Variants in TPD52 observed in about 807,000 individuals in gnomAD.
TPD52 encodes the protein prostate and colon associated protein.
TPD52 carries 17 observed loss-of-function variants against 31.3 expected under a neutral mutation model. The observed-to-expected ratio is 0.54, with a 90% CI of 0.37 to 0.82. TPD52 has a LOEUF of 0.82. Ranked by LOEUF, TPD52 falls within the 40% of genes least tolerant of loss-of-function variation. The pLI is 0.00. For synonymous variants in TPD52, 83 were observed against 89.6 expected (o/e 0.93, Z 0.42); for missense variants, 212 against 240.1 (o/e 0.88, Z 0.77).
intron 4 of TPD52, among the ~76,000 whole-genome samples, chr8:80,050,857 G>T (rs571660354): frequency 8.6e-5 from 13 of 151,956 alleles, no homozygotes; most frequent in Non-Finnish European, 1.6e-4. Context: ...CACAAATCTT[G>T]CATGCCAACA....
chr8:80,171,014 T>C, intron 1 of TPD52: 3 of 436,034 alleles, frequency 6.9e-6, no homozygotes, highest in Admixed American at 3.5e-5. Flanking sequence ...AGAGAGGGGT[T>C]TCCCACCTGG....
intron 1 of TPD52, among the ~76,000 whole-genome samples, chr8:80,164,441 T>C (rs1389050245): frequency 1.3e-5 from 2 of 152,152 alleles, no homozygotes; most frequent in Non-Finnish European, 2.9e-5. Flanking sequence ...GTGGAGGTGT[T>C]AAGATTTATA....
At chr8:80,108,960 A>G (rs968188697) in intron 1 of TPD52, among the ~76,000 whole-genome samples, 11 of 152,226 alleles carry the variant, frequency 7.2e-5, no homozygotes, top group African/African-American at 2.4e-4. Context: ...TTATGGCAAT[A>G]TAACTATTTG....
At chr8:80,126,542 T>C (rs7840673) in intron 1 of TPD52, among the ~76,000 whole-genome samples, 42 of 147,294 alleles carry the variant, frequency 2.9e-4, no homozygotes, top group African/African-American at 1.0e-3. Flanking sequence ...AGGGCAGTGG[T>C]GCAATTTCGG....
intron 1 of TPD52, among the ~76,000 whole-genome samples, chr8:80,072,317 A>ATGTGTGTGTG (rs146024001): frequency 0.066 from 8,054 of 121,322 alleles, 851 homozygotes; most frequent in East Asian, 0.099. Flanking sequence ...AAAAACATAT[A>ATGTGTGTGTG]TGTGTGTGTG....
chr8:80,074,294 G>A (rs1010118772), intron 1 of TPD52, among the ~76,000 whole-genome samples: 2 of 152,184 alleles, frequency 1.3e-5, no homozygotes, highest in Non-Finnish European at 2.9e-5. Context: ...ATAATTCAAA[G>A]TATCTTTAGT....
chr8:80,083,063 A>G (rs930657271), intron 1 of TPD52, among the ~76,000 whole-genome samples: 3 of 152,204 alleles, frequency 2.0e-5, no homozygotes, highest in Non-Finnish European at 4.4e-5. Flanking sequence ...GGTTAATGGA[A>G]TGGCAAAAAT....
intron 1 of TPD52, among the ~76,000 whole-genome samples, chr8:80,143,710 A>C (rs1413786936): frequency 3.3e-5 from 5 of 152,224 alleles, no homozygotes; most frequent in Non-Finnish European, 7.3e-5. Context: ...TCTAGAACTT[A>C]GTATCACATA....
intron 1 of TPD52, among the ~76,000 whole-genome samples, chr8:80,105,053 T>C (rs1232773057): frequency 1.3e-5 from 2 of 152,098 alleles, no homozygotes; most frequent in Non-Finnish European, 2.9e-5. Context: ...AGTAAGATAC[T>C]GTCTCAAAAA....
intron 1 of TPD52, among the ~76,000 whole-genome samples, chr8:80,067,602 A>G (rs1357690981): frequency 6.6e-6 from 1 of 152,150 alleles, no homozygotes; most frequent in African/African-American, 2.4e-5. Flanking sequence ...ACAGACATTA[A>G]GCAACTTGCC....
chr8:80,080,756 C>G (rs1178320233), intron 1 of TPD52: 1 of 1,064,080 alleles, frequency 9.4e-7, no homozygotes, highest in South Asian at 4.2e-5. Context: ...GCGAGCTTTC[C>G]TCAGTCAACA....
chr8:80,038,375 T>A, intron 7 of TPD52, 140 bp from the exon 8 acceptor site: 3 of 854,790 alleles, frequency 3.5e-6, no homozygotes, highest in Non-Finnish European at 5.3e-6. Context: ...ATGTATGGAA[T>A]TTAGTATTGT....
intron 1 of TPD52, among the ~76,000 whole-genome samples, chr8:80,065,812 T>C (rs1813079994): frequency 6.6e-6 from 1 of 152,170 alleles, no homozygotes; most frequent in Non-Finnish European, 1.5e-5. Flanking sequence ...TTTAAAAATA[T>C]TGTATTTGTA....
At chr8:80,138,657 A>G (rs1231291468) in intron 1 of TPD52, among the ~76,000 whole-genome samples, 1 of 152,220 alleles carries the variant, frequency 6.6e-6, no homozygotes, top group Non-Finnish European at 1.5e-5. Context: ...CAGACTTTTG[A>G]CAACTGCTCA....
intron 1 of TPD52, among the ~76,000 whole-genome samples, chr8:80,126,383 A>G (rs962075947): frequency 6.8e-6 from 1 of 147,042 alleles, no homozygotes; most frequent in African/African-American, 2.5e-5. Flanking sequence ...TTTTGCAAAC[A>G]TTCTCTGTTC....
intron 1 of TPD52, among the ~76,000 whole-genome samples, chr8:80,083,765 T>G (rs182782088): frequency 3.9e-5 from 6 of 152,176 alleles, no homozygotes; most frequent in African/African-American, 1.4e-4. Context: ...GCAACTCTTT[T>G]TATTTCCTGT....
chr8:80,138,591 A>C (rs937956577), intron 1 of TPD52, among the ~76,000 whole-genome samples: 4 of 152,186 alleles, frequency 2.6e-5, no homozygotes, highest in Non-Finnish European at 5.9e-5. Context: ...TGCAAATAAA[A>C]AACTAAAACT....
chr8:80,058,108 T>C (rs1043803404), intron 2 of TPD52, among the ~76,000 whole-genome samples: 2 of 152,154 alleles, frequency 1.3e-5, no homozygotes, highest in African/African-American at 4.8e-5. Flanking sequence ...AATAAAACAA[T>C]ACTGAGAACT....
chr8:80,064,321 A>G, intron 2 of TPD52, 157 bp downstream of exon 2: 2 of 627,862 alleles, frequency 3.2e-6, no homozygotes, highest in Non-Finnish European at 2.8e-6. Flanking sequence ...ACCCTCTTCT[A>G]TCTCCTCTCC....
Sources: gnomAD v4.1 joint callset for allele counts (sites outside exome capture counted in the v4.1 genomes callset) on GRCh38, gnomAD v4.1.1 for gene constraint, MANE v1.5 for transcripts, NCBI Gene and HGNC (gene_info 2026-07-23, HGNC 2026-07-21) for gene names.